Variants in SH3RF3 observed in about 807,000 individuals in gnomAD.
The protein encoded by SH3RF3 is SH3 domain containing ring finger 3, also known as E3 ubiquitin-protein ligase SH3RF3.
Under a neutral mutation model 66.3 loss-of-function variants are expected in SH3RF3, and 29 were observed. That is an observed-to-expected ratio of 0.44 (90% CI 0.33 to 0.60). The LOEUF is 0.60. Ranked by LOEUF, SH3RF3 falls within the 20% of genes least tolerant of loss-of-function variation. The pLI is 0.04. For synonymous variants in SH3RF3, 583 were observed against 532.0 expected (o/e 1.10, Z -1.32); for missense variants, 1,194 against 1,190.9 (o/e 1.00, Z -0.04).
rs1680907388 is a variant in SH3RF3 at position 109,282,077 on chromosome 2, T to C, written c.574-65597T>C. Among the ~76,000 whole-genome samples, 7 of 152,224 alleles carry C rather than the reference T, an allele frequency of 4.6e-5. 1 individual carries two copies. The highest frequency in any genetic ancestry group is 3.4e-3 in the Middle Eastern group (1 of 294). On this transcript the variant is annotated intron_variant, in intron 1 of 9. Transcript: ENST00000309415. ...TGGTGGGATATGAGTGGGGGCTGCA[T>C]GGCGAAGCCTGTCTCTAGTTGCATT... is the stretch of plus-strand genomic sequence containing the variant.
chr2:109,275,595 G>T (rs1318787032), intron 1 of SH3RF3, among the ~76,000 whole-genome samples: 1 of 152,190 alleles, frequency 6.6e-6, no homozygotes, highest in Non-Finnish European at 1.5e-5. Flanking sequence ...CGCACCCGCC[G>T]TGCTTCTGCC....
In SH3RF3 at chr2:109,129,735, C is replaced by T. The variant is rs1295795870; in HGVS notation, c.195C>T (p.Asp65=). 1.3e-6 allele frequency: 2 copies of T among 1,539,096 alleles called. No homozygotes were observed. Among genetic ancestry groups the T allele is most frequent in the Non-Finnish European group, 8.7e-7 (1 of 1,145,300 alleles). ...GCTCCGTGTGTCTGGAGCGCCTGGA[C>T]ACCACGGCCAAGGTGCTGCCATGCC... ...LECSVCLERL[D]TTAKVLPCQH... Residue 65 remains aspartate, a synonymous_variant, in exon 1 of 10, where the codon GAC becomes GAT. Transcript: ENST00000309415.
chr2:109,452,995 G>A (rs1374285595), intron 8 of SH3RF3, among the ~76,000 whole-genome samples: 1 of 151,666 alleles, frequency 6.6e-6, no homozygotes, highest in African/African-American at 2.4e-5. Context: ...TTCCCGGGAG[G>A]CTGGTCCCCG....
chr2:109,297,141 G>T (rs960473400), intron 1 of SH3RF3, among the ~76,000 whole-genome samples: 2 of 152,054 alleles, frequency 1.3e-5, no homozygotes, highest in African/African-American at 2.4e-5. Flanking sequence ...AGCTGTGGGG[G>T]CAGTGAGCTA....
At chr2:109,301,908 C>T (rs111982855) in intron 1 of SH3RF3, among the ~76,000 whole-genome samples, 6 of 152,310 alleles carry the variant, frequency 3.9e-5, no homozygotes, top group South Asian at 2.1e-4. Context: ...GTAGCTTCCC[C>T]GGTGCGGGAC....
intron 1 of SH3RF3, among the ~76,000 whole-genome samples, chr2:109,186,096 A>G (rs1457598865): frequency 3.3e-5 from 5 of 152,182 alleles, no homozygotes; most frequent in African/African-American, 9.6e-5. Context: ...GGGTGATTTT[A>G]ACTTCAGGAG....
At chr2:109,421,587 C>T (rs1343999980) in intron 5 of SH3RF3, among the ~76,000 whole-genome samples, 2 of 152,232 alleles carry the variant, frequency 1.3e-5, no homozygotes, top group Non-Finnish European at 2.9e-5. Context: ...CTCTTCTTCA[C>T]CCAGTTCGCC....
chr2:109,466,266 A>G (rs1678343953), intron 8 of SH3RF3, among the ~76,000 whole-genome samples: 1 of 151,926 alleles, frequency 6.6e-6, no homozygotes, highest in South Asian at 2.1e-4. Context: ...TATTTTTAGT[A>G]GAGACGGGGT....
intron 1 of SH3RF3, among the ~76,000 whole-genome samples, chr2:109,253,311 G>A (rs1464892419): frequency 3.3e-5 from 5 of 152,162 alleles, no homozygotes; most frequent in African/African-American, 7.2e-5. Flanking sequence ...GAGCCACTGC[G>A]CCCGGCCTAG....
chr2:109,385,937 A>G (rs1264021663), intron 3 of SH3RF3, among the ~76,000 whole-genome samples: 2 of 152,238 alleles, frequency 1.3e-5, no homozygotes, highest in Non-Finnish European at 2.9e-5. Context: ...TTTGCAACAC[A>G]GTGCATCTGT....
chr2:109,330,369 T>A (rs1297516965), intron 1 of SH3RF3, among the ~76,000 whole-genome samples: 1 of 152,250 alleles, frequency 6.6e-6, no homozygotes, highest in African/African-American at 2.4e-5. Context: ...TTTTTTTTTC[T>A]TGTCTTGGCA....
chr2:109,388,491 C>A (rs776450403), intron 3 of SH3RF3, among the ~76,000 whole-genome samples: 19 of 152,318 alleles, frequency 1.2e-4, no homozygotes, highest in African/African-American at 4.6e-4. Flanking sequence ...CCCCCAGGTA[C>A]TCTCAGCTGC....
At chr2:109,501,154 C>T (rs1679374120) in intron 9 of SH3RF3, among the ~76,000 whole-genome samples, 1 of 151,994 alleles carries the variant, frequency 6.6e-6, no homozygotes, top group African/African-American at 2.4e-5. Context: ...TCCCCCGCCC[C>T]TGCCCCTGGG....
intron 1 of SH3RF3, among the ~76,000 whole-genome samples, chr2:109,179,177 T>A (rs1678009582): frequency 6.6e-6 from 1 of 152,142 alleles, no homozygotes; most frequent in Admixed American, 6.5e-5. Context: ...GAAATACGTA[T>A]CTTGCAGCTG....
intron 1 of SH3RF3, among the ~76,000 whole-genome samples, chr2:109,259,766 T>C (rs982248758): frequency 6.6e-6 from 1 of 152,226 alleles, no homozygotes; most frequent in African/African-American, 2.4e-5. Context: ...TAGGTGCATG[T>C]GGAGGGAGCT....
intron 1 of SH3RF3, among the ~76,000 whole-genome samples, chr2:109,336,526 C>T (rs1196174676): frequency 6.6e-6 from 1 of 152,222 alleles, no homozygotes; most frequent in African/African-American, 2.4e-5. Context: ...CCCGTGTACC[C>T]CGCAGGCTGC....
chr2:109,243,153 G>A (rs1273222439), intron 1 of SH3RF3, among the ~76,000 whole-genome samples: 1 of 152,256 alleles, frequency 6.6e-6, no homozygotes, highest in Non-Finnish European at 1.5e-5. Context: ...ATTGCCTTGT[G>A]CAGGTGTCTT....
chr2:109,133,828 G>A (rs1237973370), intron 1 of SH3RF3, among the ~76,000 whole-genome samples: 2 of 151,838 alleles, frequency 1.3e-5, no homozygotes, highest in Admixed American at 1.3e-4. Flanking sequence ...GCATAGTTGG[G>A]AATAAGGACA....
chr2:109,305,071 T>C (rs1393370627), intron 1 of SH3RF3, among the ~76,000 whole-genome samples: 1 of 152,220 alleles, frequency 6.6e-6, no homozygotes, highest in Non-Finnish European at 1.5e-5. Flanking sequence ...CTGAATGTTA[T>C]TTGGGTCCAT....
Sources: gnomAD v4.1 joint callset for allele counts (sites outside exome capture counted in the v4.1 genomes callset) on GRCh38, gnomAD v4.1.1 for gene constraint, MANE v1.5 for transcripts, NCBI Gene and HGNC (gene_info 2026-07-23, HGNC 2026-07-21) for gene names.